The following CRYBG1 variants were observed in gnomAD, a reference collection of about 807,000 sequenced individuals.
CRYBG1 encodes the protein crystallin beta-gamma domain containing 1.
Under a neutral mutation model 189.2 loss-of-function variants are expected in CRYBG1, and 139 were observed. That is an observed-to-expected ratio of 0.73 (90% confidence interval 0.64 to 0.85). The LOEUF is 0.85. Among genes scored for constraint, CRYBG1 ranks in the 40% least tolerant of loss-of-function variants. CRYBG1 has a pLI of 0.00. For synonymous variants in CRYBG1, 1,023 were observed against 1,017.1 expected, an observed-to-expected ratio of 1.01 and a Z score of -0.11; for missense variants, 2,611 against 2,675.8, an observed-to-expected ratio of 0.98 and a Z score of 0.53.
At chr6:106,426,235 T>C (rs1283561528) in intron 1 of CRYBG1, among the ~76,000 whole-genome samples, 1 of 152,224 alleles carries the variant, frequency 6.6e-6, no homozygotes, top group Non-Finnish European at 1.5e-5. Context: ...TCACTCGTGC[T>C]CCTGACCCCA....
intron 1 of CRYBG1, among the ~76,000 whole-genome samples, chr6:106,394,245 AT>A (rs1190697814): frequency 1.3e-5 from 2 of 152,092 alleles, no homozygotes; most frequent in East Asian, 3.9e-4. Flanking sequence ...CTTTACCCTT[AT>A]ATTCTTAGGT....
chr6:106,377,052 C>A (rs1364885965), intron 1 of CRYBG1, among the ~76,000 whole-genome samples: 2 of 152,190 alleles, frequency 1.3e-5, no homozygotes, highest in African/African-American at 4.8e-5. Context: ...AAAAGGCAAG[C>A]AGGATACCTT....
chr6:106,460,062 C>A (rs981119441), intron 2 of CRYBG1, among the ~76,000 whole-genome samples: 3 of 152,074 alleles, frequency 2.0e-5, no homozygotes, highest in Non-Finnish European at 2.9e-5. Flanking sequence ...GTCGCCCAGG[C>A]TGGAAGCTCT....
At chr6:106,465,253 T>G (rs1772089636) in intron 2 of CRYBG1, among the ~76,000 whole-genome samples, 1 of 152,206 alleles carries the variant, frequency 6.6e-6, no homozygotes, top group South Asian at 2.1e-4. Flanking sequence ...GCCTGGCATA[T>G]AGAAGACTGT....
At chr6:106,433,561 A>G (rs943404938) in intron 1 of CRYBG1, among the ~76,000 whole-genome samples, 14 of 151,740 alleles carry the variant, frequency 9.2e-5, no homozygotes, top group African/African-American at 3.4e-4. Context: ...AATGGCTGAT[A>G]CTGGAATTGT....
chr6:106,442,494 C>T (rs184872514), intron 1 of CRYBG1, among the ~76,000 whole-genome samples: 19 of 152,304 alleles, frequency 1.2e-4, no homozygotes, highest in African/African-American at 4.6e-4. Flanking sequence ...TGTGTGCCAT[C>T]ACCACAGACT....
chr6:106,553,895 G>A (rs953853649), intron 16 of CRYBG1, among the ~76,000 whole-genome samples: 5 of 152,140 alleles, frequency 3.3e-5, no homozygotes, highest in Non-Finnish European at 4.4e-5. Context: ...GGACAGGATC[G>A]GCACTCTGCA....
At chr6:106,476,283 G>A (rs1373659712) in intron 2 of CRYBG1, among the ~76,000 whole-genome samples, 2 of 152,168 alleles carry the variant, frequency 1.3e-5, no homozygotes, top group Non-Finnish European at 2.9e-5. Context: ...GTGGAGAAAG[G>A]CACTGGGCAC....
At chr6:106,559,547 G>C (rs1420588164) in intron 18 of CRYBG1, among the ~76,000 whole-genome samples, 1 of 152,176 alleles carries the variant, frequency 6.6e-6, no homozygotes, top group Non-Finnish European at 1.5e-5. Context: ...ACTTTGGGAG[G>C]GCAAAGCGGG....
At chr6:106,517,349 C>CACATATATAT (rs1298701791) in intron 3 of CRYBG1, among the ~76,000 whole-genome samples, 5 of 83,866 alleles carry the variant, frequency 6.0e-5, no homozygotes, top group Non-Finnish European at 8.5e-5. Flanking sequence ...TATACACACA[C>CACATATATAT]ATATATATAT....
rs1338947053 is a variant in CRYBG1 at position 106,525,357 on chromosome 6, A to G, written c.4383A>G (p.Pro1461=). The part of the protein sequence containing the change: ...IQDCSSWSLS[P]VILIKVVRGC... The stretch of plus-strand genomic sequence containing the variant: ...ATTGCAGTTCTTGGAGCCTCTCTCC[A>G]GTGATACTCATAAAAGTTGTTAGAG... The change falls in exon 6 of 22, where the codon CCA becomes CCG. Residue 1461 remains proline, a synonymous_variant. Coordinates refer to ENST00000633556, the MANE Select transcript of CRYBG1 (RefSeq NM_001371242.2). 1 of 1,614,134 alleles carries G rather than the reference A, an allele frequency of 6.2e-7. No individual in the cohort carries two copies. The highest frequency in any genetic ancestry group is 1.1e-5 in the South Asian group (1 of 91,078).
At chr6:106,501,442 C>G (rs2114509914) in intron 2 of CRYBG1, among the ~76,000 whole-genome samples, 1 of 152,306 alleles carries the variant, frequency 6.6e-6, no homozygotes, top group Non-Finnish European at 1.5e-5. Flanking sequence ...CTGTTAGAAA[C>G]TACATCTGAT....
chr6:106,527,730 C>T (rs901248828), intron 7 of CRYBG1, among the ~76,000 whole-genome samples: 2 of 151,986 alleles, frequency 1.3e-5, no homozygotes, highest in Non-Finnish European at 2.9e-5. Context: ...ATATATTTTA[C>T]CTGGTAACTT....
chr6:106,472,175 A>AT (rs1772245714), intron 2 of CRYBG1, among the ~76,000 whole-genome samples: 1 of 152,100 alleles, frequency 6.6e-6, no homozygotes, highest in African/African-American at 2.4e-5. Flanking sequence ...TTCATATAGT[A>AT]TTTTTTCTTC....
chr6:106,390,210 G>T (rs1271084913), intron 1 of CRYBG1, among the ~76,000 whole-genome samples: 1 of 152,056 alleles, frequency 6.6e-6, no homozygotes, highest in East Asian at 1.9e-4. Context: ...GTTCTGATCA[G>T]AAATACCAAA....
intron 8 of CRYBG1, among the ~76,000 whole-genome samples, chr6:106,538,505 A>G (rs1321606803): frequency 6.6e-6 from 1 of 152,214 alleles, no homozygotes; most frequent in African/African-American, 2.4e-5. Flanking sequence ...ACCACTGTGC[A>G]TTAAATAATG....
At chr6:106,561,211 C>T (rs1774707621) in intron 19 of CRYBG1, 131 bp from the exon 20 acceptor site, 1 of 1,115,446 alleles carries the variant, frequency 9.0e-7, no homozygotes, top group Non-Finnish European at 1.3e-6. Flanking sequence ...AATTTAAAAC[C>T]TCTGAGACTC....
chr6:106,483,380 A>G lies in CRYBG1; in HGVS notation c.313-28050A>G, dbSNP rs58795383. ...ATTGTGTGTGTGTGTGTGTGTGTGTATATATATATAGATATATATATAAAA... is the reference window on the plus strand; with the variant it reads ...ATTGTGTGTGTGTGTGTGTGTGTGTGTATATATATAGATATATATATAAAA... On this transcript the variant is annotated intron_variant, in intron 2 of 21. Coordinates refer to ENST00000633556, the MANE Select transcript of CRYBG1 (RefSeq NM_001371242.2). Among the ~76,000 whole-genome samples, 448 of 104,990 alleles carry G rather than the reference A, an allele frequency of 4.3e-3. 8 individuals carry two copies. Among genetic ancestry groups the G allele is most frequent in the African/African-American group, 8.9e-3 (305 of 34,462 alleles). 68.9% of individuals were successfully genotyped at this position (104,990 alleles called of 152,430 possible).
chr6:106,416,404 A>G (rs1363144524), intron 1 of CRYBG1, among the ~76,000 whole-genome samples: 1 of 152,202 alleles, frequency 6.6e-6, no homozygotes, highest in African/African-American at 2.4e-5. Flanking sequence ...GAGACGGGAG[A>G]CACCCAAGCA....
Sources: allele counts gnomAD v4.1 joint callset (sites outside exome capture counted in the v4.1 genomes callset), GRCh38; gene constraint gnomAD v4.1.1; transcripts MANE v1.5; gene names NCBI Gene and HGNC (gene_info 2026-07-23, HGNC 2026-07-21).